HS3ST4: variants seen among roughly 807,000 people sequenced by gnomAD.
HS3ST4 encodes heparan sulfate glucosamine 3-O-sulfotransferase 4.
HS3ST4 carries 17 observed loss-of-function variants against 29.2 expected under a neutral mutation model. The ratio of observed to expected loss-of-function variants is 0.58; its 90% CI spans 0.40 to 0.87. The LOEUF (loss-of-function observed/expected upper bound fraction) is 0.87, where lower values mean the gene tolerates loss of function less well. Ranked by LOEUF, HS3ST4 falls within the 40% of genes least tolerant of loss-of-function variation. HS3ST4 has a pLI of 0.00. For synonymous variants in HS3ST4, 314 were observed against 285.7 expected (o/e 1.10, Z -1.00); for missense variants, 627 against 634.5 (o/e 0.99, Z 0.13).
chr16:25,832,616 A>G (rs1967315504), intron 1 of HS3ST4, among the ~76,000 whole-genome samples: 3 of 152,246 alleles, frequency 2.0e-5, no homozygotes, highest in Non-Finnish European at 4.4e-5. Flanking sequence ...AAGAGGTTTA[A>G]AATGTATTGG....
intron 1 of HS3ST4, among the ~76,000 whole-genome samples, chr16:25,828,316 C>T (rs1292163936): frequency 2.3e-4 from 29 of 126,514 alleles, no homozygotes; most frequent in African/African-American, 6.3e-4. Flanking sequence ...CTCTCTCTCT[C>T]TCTCTCTCTC....
chr16:25,692,214 C>A lies in HS3ST4; in HGVS notation c.-204C>A, dbSNP rs1409055528. ...TCGGCGGGCAGCGTGGGGCGGGGGG[C>A]CATGCGGCCGGGCTCCCCCCTGGCG... On this transcript the variant is annotated 5_prime_UTR_variant, in exon 1 of 2. Coordinates refer to ENST00000331351, the MANE Select transcript of HS3ST4 (RefSeq NM_006040.3). 1 of 149,528 alleles carries A rather than the reference C, an allele frequency of 6.7e-6. No homozygotes were observed. 9.3% of individuals were successfully genotyped at this position (149,528 alleles called of 1,614,324 possible). A position where few individuals can be genotyped will look rare whatever the true frequency, so the allele number is the denominator to read the frequency against.
At position 26,076,580 on chromosome 16, in the gene HS3ST4, G is replaced by A. The variant is rs7189661; in HGVS notation, c.735-59032G>A. ...GGCTTTAGAATTAGAACAATTTTTG[G>A]TTCTCCCACTCACTACCTGGGTAGA... On this transcript the variant is annotated intron_variant, in intron 1 of 1. Coordinates refer to ENST00000331351, the MANE Select transcript of HS3ST4 (RefSeq NM_006040.3). 7.1e-3 allele frequency among the ~76,000 whole-genome samples: 1,079 copies of A among 152,230 alleles called. 10 individuals carry two copies. Among genetic ancestry groups the A allele is most frequent in the African/African-American group, 0.024 (1,011 of 41,548 alleles).
At chr16:25,796,464 T>A (rs985021695) in intron 1 of HS3ST4, among the ~76,000 whole-genome samples, 2 of 152,204 alleles carry the variant, frequency 1.3e-5, no homozygotes, top group Non-Finnish European at 2.9e-5. Flanking sequence ...ATGCTCAGAT[T>A]TGATATGACA....
chr16:25,969,929 A>G (rs1220060470), intron 1 of HS3ST4, among the ~76,000 whole-genome samples: 2 of 152,222 alleles, frequency 1.3e-5, no homozygotes, highest in South Asian at 2.1e-4. Flanking sequence ...GGGCTTTCCC[A>G]GGTACAAAGC....
chr16:25,804,903 A>G (rs1320452157), intron 1 of HS3ST4, among the ~76,000 whole-genome samples: 1 of 151,998 alleles, frequency 6.6e-6, no homozygotes, highest in Non-Finnish European at 1.5e-5. Context: ...CTTAGTTACT[A>G]TTATTGTCTA....
At chr16:25,944,920 T>G (rs933208084) in intron 1 of HS3ST4, among the ~76,000 whole-genome samples, 58 of 152,240 alleles carry the variant, frequency 3.8e-4, no homozygotes, top group African/African-American at 1.4e-3. Context: ...TTCCTTGGCT[T>G]CCATGTTACT....
At chr16:26,050,069 G>C (rs938693751) in intron 1 of HS3ST4, among the ~76,000 whole-genome samples, 1 of 152,170 alleles carries the variant, frequency 6.6e-6, no homozygotes, top group Non-Finnish European at 1.5e-5. Context: ...GTCCATTGGT[G>C]ATCAACTTAA....
chr16:25,959,171 C>A (rs759677731), intron 1 of HS3ST4, among the ~76,000 whole-genome samples: 7 of 152,144 alleles, frequency 4.6e-5, no homozygotes, highest in Non-Finnish European at 8.8e-5. Flanking sequence ...CGGGTGAAGT[C>A]ATGGGACAGG....
chr16:26,096,197 C>G (rs997428187), intron 1 of HS3ST4, among the ~76,000 whole-genome samples: 1 of 152,136 alleles, frequency 6.6e-6, no homozygotes, highest in Non-Finnish European at 1.5e-5. Context: ...CCTTCTGAAA[C>G]TATTCCAATC....
At chr16:25,789,383 T>C (rs1426710316) in intron 1 of HS3ST4, among the ~76,000 whole-genome samples, 3 of 149,846 alleles carry the variant, frequency 2.0e-5, no homozygotes, top group Admixed American at 6.6e-5. Context: ...TTCTCTTTCT[T>C]TCTTTCTCTT....
intron 1 of HS3ST4, among the ~76,000 whole-genome samples, chr16:25,948,348 T>G (rs913625519): frequency 6.6e-6 from 1 of 152,174 alleles, no homozygotes; most frequent in Admixed American, 6.5e-5. Context: ...ATGCAATTTT[T>G]TTTTTCAGAG....
chr16:25,725,651 G>A (rs1165775060), intron 1 of HS3ST4, among the ~76,000 whole-genome samples: 1 of 151,280 alleles, frequency 6.6e-6, no homozygotes, highest in Non-Finnish European at 1.5e-5. Flanking sequence ...ATATTTAATT[G>A]TAAATTCTAT....
chr16:25,746,540 C>A (rs911088567), intron 1 of HS3ST4, among the ~76,000 whole-genome samples: 4 of 149,500 alleles, frequency 2.7e-5, no homozygotes, highest in African/African-American at 9.8e-5. Flanking sequence ...TGATGCCAGC[C>A]ATCACAATTG....
At chr16:25,877,528 C>T (rs1249774671) in intron 1 of HS3ST4, among the ~76,000 whole-genome samples, 3 of 152,104 alleles carry the variant, frequency 2.0e-5, no homozygotes, top group Non-Finnish European at 4.4e-5. Context: ...CTCCAGAGTG[C>T]TAATATGACA....
At chr16:25,769,516 T>C (rs954577460) in intron 1 of HS3ST4, among the ~76,000 whole-genome samples, 5 of 152,120 alleles carry the variant, frequency 3.3e-5, no homozygotes, top group Non-Finnish European at 7.4e-5. Flanking sequence ...AGTTTTCCAT[T>C]TGTGATGCTC....
chr16:25,939,539 A>G (rs543162345), intron 1 of HS3ST4, among the ~76,000 whole-genome samples: 1 of 152,044 alleles, frequency 6.6e-6, no homozygotes, highest in Non-Finnish European at 1.5e-5. Flanking sequence ...GGGTTTTACC[A>G]TGTTGATCAG....
chr16:25,787,278 A>C (rs1037193552), intron 1 of HS3ST4, among the ~76,000 whole-genome samples: 1 of 152,246 alleles, frequency 6.6e-6, no homozygotes, highest in Non-Finnish European at 1.5e-5. Flanking sequence ...CAGTGTAAGT[A>C]TTGCCCATAT....
chr16:26,110,097 T>C (rs1899109225), intron 1 of HS3ST4, among the ~76,000 whole-genome samples: 1 of 152,152 alleles, frequency 6.6e-6, no homozygotes, highest in African/African-American at 2.4e-5. Flanking sequence ...TCTCTGCTTC[T>C]AGGAATTCAG....
Sources: gnomAD v4.1 joint callset for allele counts (sites outside exome capture counted in the v4.1 genomes callset) on GRCh38, gnomAD v4.1.1 for gene constraint, MANE v1.5 for transcripts, NCBI Gene and HGNC (gene_info 2026-07-23, HGNC 2026-07-21) for gene names.